The following SCGB3A2 variants were observed in gnomAD, a reference collection of about 807,000 sequenced individuals.
SCGB3A2 encodes pneumo secretory protein 1.
In SCGB3A2, 5 loss-of-function variants were observed where a neutral mutation model predicts 7.7. That is an observed-to-expected ratio of 0.65 (90% CI 0.34 to 1.36). SCGB3A2 has a LOEUF of 1.36. SCGB3A2 is among the 40% of genes most tolerant of loss of function. The probability of loss-of-function intolerance (pLI) is 0.04; values close to 1 mark genes in which losing one functional copy is unlikely to be tolerated. For synonymous variants in SCGB3A2, 44 were observed against 42.7 expected, an observed-to-expected ratio of 1.03 and a Z score of -0.12; for missense variants, 109 against 103.6, an observed-to-expected ratio of 1.05 and a Z score of -0.23.
Position 147,881,901 on chromosome 5 carries a change from C to G in SCGB3A2, c.259-126C>G, listed in dbSNP as rs1054275709. The G allele has an allele frequency of 5.9e-6, 6 of 1,009,288 alleles. No homozygotes were observed. In the African/African-American group the frequency reaches 8.0e-5, roughly 13 times the overall value. The allele number at this position is 1,009,288 out of a possible 1,614,324, so 62.5% of individuals were successfully genotyped here. A position where few individuals can be genotyped will look rare whatever the true frequency, so the allele number is the denominator to read the frequency against. Reference sequence around the variant, plus strand: ...TTCGTGATTTTGGATGAGACGTAATCACTCTGAGTTTTTGTTTCCCCATCA... The same window carrying G: ...TTCGTGATTTTGGATGAGACGTAATGACTCTGAGTTTTTGTTTCCCCATCA... On this transcript the variant is annotated intron_variant, in intron 2 of 2. Transcript: ENST00000296694.
chr5:147,879,000 A>G, intron 1 of SCGB3A2, 142 bp downstream of exon 1: 2 of 642,712 alleles, frequency 3.1e-6, no homozygotes, highest in East Asian at 5.3e-5. Context: ...TTTAACTGAC[A>G]CATAATAATT....
Position 147,881,471 on chromosome 5 carries a change from G to T in SCGB3A2, c.81G>T (p.Val27=), listed in dbSNP as rs1561625327. 2.5e-6 allele frequency: 4 copies of T among 1,613,816 alleles called. No homozygotes were observed. The African/African-American group carries it at 4.0e-5, about 16-fold the overall frequency. The change falls in exon 2 of 3, where the codon GTG becomes GTT. Residue 27 remains valine, a synonymous_variant. Coordinates refer to ENST00000296694, the MANE Select transcript of SCGB3A2 (RefSeq NM_054023.5). ...YSATAFLINK[V]PLPVDKLAPL... is the part of the protein sequence containing the mutation. The stretch of plus-strand genomic sequence containing the variant: ...CTACTGCCTTCCTCATCAACAAAGT[G>T]CCCCTTCCTGTTGACAAGTTGGCAC...
chr5:147,880,288 A>G (rs1163626898), intron 1 of SCGB3A2, among the ~76,000 whole-genome samples: 1 of 152,198 alleles, frequency 6.6e-6, no homozygotes, highest in African/African-American at 2.4e-5. Flanking sequence ...AGCCAAAGAT[A>G]TAAAACGTAA....
intron 1 of SCGB3A2, among the ~76,000 whole-genome samples, 177 bp downstream of exon 1, chr5:147,879,035 A>C (rs1367726484): frequency 2.0e-5 from 3 of 152,126 alleles, no homozygotes; most frequent in African/African-American, 7.2e-5. Flanking sequence ...GGTTGGAAGA[A>C]GTTTTGGAAT....
At chr5:147,881,673 C>G (rs6865419) in intron 2 of SCGB3A2, 25 bp downstream of exon 2, 60,477 of 1,592,154 alleles carry the variant, frequency 0.038, 5,041 homozygotes, top group African/African-American at 0.35. Context: ...GGAGGCTAAT[C>G]TGCCAAAGGG....
At position 147,881,993 on chromosome 5, in the gene SCGB3A2, C is replaced by T. The variant is rs769395512; in HGVS notation, c.259-34C>T. 3.1e-6 allele frequency: 5 copies of T among 1,610,952 alleles called. No individual in the cohort carries two copies. The South Asian group carries it at 5.5e-5, about 18-fold the overall frequency. On this transcript the variant is annotated intron_variant, in intron 2 of 2. Coordinates refer to ENST00000296694, the MANE Select transcript of SCGB3A2 (RefSeq NM_054023.5). ...TTGAAACATGCGAATTACATGTAAG[C>T]TGCTCTAAATTTTGTTGTCCTTCTA...
chr5:147,881,051 T>A (rs1231986871), intron 1 of SCGB3A2: 3 of 195,402 alleles, frequency 1.5e-5, no homozygotes, highest in Non-Finnish European at 3.1e-5. Flanking sequence ...CATGGGTGCA[T>A]TAGCGAAAAA....
At chr5:147,879,232 A>G (rs866318533) in intron 1 of SCGB3A2, among the ~76,000 whole-genome samples, 2 of 152,216 alleles carry the variant, frequency 1.3e-5, no homozygotes, top group Non-Finnish European at 2.9e-5. Flanking sequence ...TTGAGTTAAA[A>G]TTTGACTTTA....
chr5:147,881,138 G>A, intron 1 of SCGB3A2: 1 of 303,586 alleles, frequency 3.3e-6, no homozygotes, highest in Non-Finnish European at 6.1e-6. Context: ...ATGAAGAGTT[G>A]CTTTTTTTAG....
At chr5:147,880,793 C>T (rs1429871411) in intron 1 of SCGB3A2, 1 of 152,698 alleles carries the variant, frequency 6.5e-6, no homozygotes, top group African/African-American at 2.4e-5. Flanking sequence ...TCTTATTTGT[C>T]TATGTATCTG....
intron 1 of SCGB3A2, chr5:147,880,801 C>T (rs1488712694): frequency 6.5e-6 from 1 of 153,148 alleles, no homozygotes; most frequent in African/African-American, 2.4e-5. Context: ...GTCTATGTAT[C>T]TGCACAGACT....
At chr5:147,880,413 C>G (rs566538934) in intron 1 of SCGB3A2, among the ~76,000 whole-genome samples, 2 of 152,242 alleles carry the variant, frequency 1.3e-5, no homozygotes, top group South Asian at 2.1e-4. Flanking sequence ...ACTTTTGCAG[C>G]CTCACTCCCT....
Position 147,881,612 on chromosome 5 carries a change from G to T in SCGB3A2, c.222G>T (p.Leu74=). ...GGCTAAGGAAGTGTGTAAATGAGCTGGGACCAGAGGCTTCTGAAGCTGTGA... is the reference window on the plus strand; with the variant it reads ...GGCTAAGGAAGTGTGTAAATGAGCTTGGACCAGAGGCTTCTGAAGCTGTGA... ...VEGLRKCVNE[L]GPEASEAVKK... Residue 74 remains leucine, a synonymous_variant, in exon 2 of 3, where the codon CTG becomes CTT. Transcript: ENST00000296694. 6.2e-7 allele frequency: 1 copy of T among 1,613,884 alleles called. No individual in the cohort carries two copies. The highest frequency in any genetic ancestry group is 1.1e-5 in the South Asian group (1 of 91,050).
Position 147,879,062 on chromosome 5 carries a change from G to T in SCGB3A2, c.55+204G>T, listed in dbSNP as rs578046321. ...TTTTGGAATCACAGAAAATGGTGATGTTGGAAAGTATTTCAGATCCCCACC... is the reference window on the plus strand; with the variant it reads ...TTTTGGAATCACAGAAAATGGTGATTTTGGAAAGTATTTCAGATCCCCACC... On this transcript the variant is annotated intron_variant, in intron 1 of 2. Transcript: ENST00000296694. 7.8e-4 allele frequency among the ~76,000 whole-genome samples: 119 copies of T among 152,248 alleles called. 1 individual carries two copies. The highest frequency in any genetic ancestry group is 2.4e-4 in the Non-Finnish European group (16 of 68,012).
chr5:147,882,096 C>A lies in SCGB3A2; in HGVS notation c.*46C>A. 1 of 1,588,568 alleles carries A rather than the reference C, an allele frequency of 6.3e-7. No homozygotes were observed. The highest frequency in any genetic ancestry group is 8.6e-7 in the Non-Finnish European group (1 of 1,157,078). ...GTGGATGGGGATGGAAGATGATGCTCCTATCCTCCCTGCCTGAAACCTGTT... is the reference window on the plus strand; with the variant it reads ...GTGGATGGGGATGGAAGATGATGCTACTATCCTCCCTGCCTGAAACCTGTT... On this transcript the variant is annotated 3_prime_UTR_variant, in exon 3 of 3. Coordinates refer to ENST00000296694, the MANE Select transcript of SCGB3A2 (RefSeq NM_054023.5).
At chr5:147,880,584 A>ACATTTGCCTCAAGACATAGCTCTAACAG (rs1757331809) in intron 1 of SCGB3A2, 1 of 152,142 alleles carries the variant, frequency 6.6e-6, no homozygotes, top group Non-Finnish European at 1.5e-5. Context: ...TATGATCCTG[A>ACATTTGCCTCAAGACATAGCTCTAACAG]CATTTGCCTC....
At position 147,880,165 on chromosome 5, in the gene SCGB3A2, A is replaced by G. The variant is rs563058422; in HGVS notation, c.56-1281A>G. On this transcript the variant is annotated intron_variant, in intron 1 of 2. Transcript: ENST00000296694. ...TGTTCTTACGTGTGTGCTCACATGC[A>G]TGTGTGCATTTATATATCTGCACAT... Among the ~76,000 whole-genome samples the G allele has an allele frequency of 2.8e-4, 42 of 152,334 alleles. No homozygotes were observed. In the South Asian group the frequency reaches 8.5e-3, roughly 31 times the overall value.
rs73261387 is a variant in SCGB3A2 at position 147,881,394 on chromosome 5, A to T, written c.56-52A>T. 8.4e-3 allele frequency: 11,548 copies of T among 1,368,362 alleles called. 770 individuals are homozygous for T. In the African/African-American group the frequency reaches 0.14, roughly 17 times the overall value. The allele number at this position is 1,368,362 out of a possible 1,614,324, so 84.8% of individuals were successfully genotyped here. A position where few individuals can be genotyped will look rare whatever the true frequency, so the allele number is the denominator to read the frequency against. ...GGACACAGGGAAAGAAGATGAGGTC[A>T]TAGTCTGGGCCCAGATGTGCCTGTC... is the stretch of plus-strand genomic sequence containing the variant. On this transcript the variant is annotated intron_variant, in intron 1 of 2. Transcript: ENST00000296694.
chr5:147,881,214 A>G, intron 1 of SCGB3A2: 1 of 505,412 alleles, frequency 2.0e-6, no homozygotes, highest in Non-Finnish European at 3.5e-6. Flanking sequence ...CCGAGGAGGT[A>G]ATATTTGAAG....
Sources: allele counts gnomAD v4.1 joint callset (sites outside exome capture counted in the v4.1 genomes callset), GRCh38; gene constraint gnomAD v4.1.1; transcripts MANE v1.5; gene names NCBI Gene and HGNC (gene_info 2026-07-23, HGNC 2026-07-21).